KIF26B: variants seen among roughly 807,000 people sequenced by gnomAD.
The protein encoded by KIF26B is kinesin-like protein KIF26B.
In KIF26B, 63 loss-of-function variants were observed where a neutral mutation model predicts 151.2. The observed-to-expected ratio is 0.42, with a 90% CI of 0.34 to 0.51. The LOEUF (loss-of-function observed/expected upper bound fraction) is 0.51, where lower values mean the gene tolerates loss of function less well. Among genes scored for constraint, KIF26B ranks in the 20% least tolerant of loss-of-function variants. The pLI is 0.07. For synonymous variants in KIF26B, 1,357 were observed against 1,262.1 expected (o/e 1.08, Z -1.59); for missense variants, 2,813 against 2,913.6 (o/e 0.97, Z 0.79).
At chr1:245,230,836 CCACCTCCAA>C (rs1669981175) in intron 2 of KIF26B, among the ~76,000 whole-genome samples, 1 of 151,192 alleles carries the variant, frequency 6.6e-6, no homozygotes, top group Non-Finnish European at 1.5e-5. Flanking sequence ...ATTGTTAACA[CCACCTCCAA>C]CATGAACTAA....
chr1:245,289,378 G>C (rs963923043), intron 2 of KIF26B, among the ~76,000 whole-genome samples: 2 of 152,052 alleles, frequency 1.3e-5, no homozygotes, highest in Non-Finnish European at 2.9e-5. Flanking sequence ...TGTGATTTTC[G>C]ACTCGGCAAG....
intron 3 of KIF26B, among the ~76,000 whole-genome samples, chr1:245,408,349 C>CT (rs58724712): frequency 0.25 from 27,956 of 112,804 alleles, 4,895 homozygotes; most frequent in Non-Finnish European, 0.33. Flanking sequence ...TTAAATGATT[C>CT]TTTTTTTTTT....
intron 5 of KIF26B, among the ~76,000 whole-genome samples, chr1:245,542,486 A>C (rs1220044784): frequency 6.6e-6 from 1 of 152,242 alleles, no homozygotes; most frequent in African/African-American, 2.4e-5. Context: ...GTAAGACCCA[A>C]GGAGGCAGGG....
chr1:245,263,282 G>T (rs1030249689), intron 2 of KIF26B, among the ~76,000 whole-genome samples: 23 of 152,166 alleles, frequency 1.5e-4, no homozygotes, highest in African/African-American at 5.6e-4. Context: ...TTACGCAGGG[G>T]TTCACATCCT....
chr1:245,221,123 GT>G (rs536152881), intron 2 of KIF26B, among the ~76,000 whole-genome samples: 65 of 151,444 alleles, frequency 4.3e-4, no homozygotes, highest in African/African-American at 1.1e-3. Context: ...TGGGAAATGA[GT>G]TTTTTTTTCT....
intron 2 of KIF26B, among the ~76,000 whole-genome samples, chr1:245,298,080 T>C (rs1399776350): frequency 6.6e-6 from 1 of 152,092 alleles, no homozygotes; most frequent in African/African-American, 2.4e-5. Context: ...AGAGACGGGC[T>C]CTCACCATGT....
intron 5 of KIF26B, among the ~76,000 whole-genome samples, chr1:245,551,365 T>C (rs542394876): frequency 9.8e-5 from 15 of 152,306 alleles, no homozygotes; most frequent in African/African-American, 3.4e-4. Context: ...TTTAAGAAAA[T>C]ATTTTATCAT....
intron 2 of KIF26B, among the ~76,000 whole-genome samples, chr1:245,296,975 C>A (rs118116868): frequency 1.1e-3 from 161 of 152,268 alleles, no homozygotes; most frequent in African/African-American, 3.7e-3. Context: ...GCAGAACTGA[C>A]CTACCCAAAC....
In KIF26B at chr1:245,572,304, G is replaced by T. The variant is rs943874010; in HGVS notation, c.1351-30273G>T. On this transcript the variant is annotated intron_variant, in intron 5 of 14. Coordinates refer to ENST00000407071, the MANE Select transcript of KIF26B (RefSeq NM_018012.4). The surrounding 1 kb of genome is among the most constrained non-coding windows in gnomAD (Gnocchi z 4.2). ...CTTTTGGAGACAGAAGGAGGTAGAC[G>T]TGCTTTTGTGTTTCCGACACTGAGG... Among the ~76,000 whole-genome samples the T allele has an allele frequency of 6.6e-6, 1 of 152,148 alleles. No individual in the cohort carries two copies. The highest frequency in any genetic ancestry group is 1.9e-4 in the East Asian group (1 of 5,186).
At chr1:245,462,253 C>G (rs1488675761) in intron 4 of KIF26B, among the ~76,000 whole-genome samples, 1 of 152,164 alleles carries the variant, frequency 6.6e-6, no homozygotes, top group Non-Finnish European at 1.5e-5. Context: ...CCTCATTCCT[C>G]AGAAATTCCA....
chr1:245,687,754 C>A lies in KIF26B; in HGVS notation c.4771C>A (p.Arg1591=), dbSNP rs771032989. Residue 1591 remains arginine (R), a synonymous_variant, in exon 12 of 15, where the codon CGG becomes AGG. Coordinates refer to ENST00000407071, the MANE Select transcript of KIF26B (RefSeq NM_018012.4). The surrounding 1 kb of genome is among the most constrained non-coding windows in gnomAD (Gnocchi z 4.9). ...TTCCCCCAAGCACTGTGTTCTGGCTCGGCCCAAAGGGACTCCCCCTCTGCC... is the reference window on the plus strand; with the variant it reads ...TTCCCCCAAGCACTGTGTTCTGGCTAGGCCCAAAGGGACTCCCCCTCTGCC... ...VASPKHCVLA[R]PKGTPPLPPV... 7 of 1,578,654 alleles carry A rather than the reference C, an allele frequency of 4.4e-6. No individual in the cohort carries two copies. In the African/African-American group the frequency reaches 8.1e-5, roughly 18 times the overall value.
chr1:245,680,789 C>A (rs2044425045), intron 10 of KIF26B, among the ~76,000 whole-genome samples: 1 of 152,222 alleles, frequency 6.6e-6, no homozygotes, highest in East Asian at 1.9e-4. Flanking sequence ...CCGACACGGG[C>A]AGAGGGGTGA....
chr1:245,216,397 C>A (rs12732529), intron 2 of KIF26B: 1 of 151,380 alleles, frequency 6.6e-6, no homozygotes, highest in South Asian at 2.1e-4. Flanking sequence ...CGCCCTCCCC[C>A]ACCCCACCCT....
intron 10 of KIF26B, among the ~76,000 whole-genome samples, chr1:245,662,981 CTCTT>C (rs1294928118): frequency 1.4e-5 from 2 of 144,468 alleles, no homozygotes; most frequent in African/African-American, 2.6e-5. Flanking sequence ...TTTTTTTTCT[CTCTT>C]ATTCTCTTTC....
intron 4 of KIF26B, among the ~76,000 whole-genome samples, chr1:245,501,776 A>G (rs965204025): frequency 6.6e-6 from 1 of 152,212 alleles, no homozygotes; most frequent in African/African-American, 2.4e-5. Context: ...TCCTTTGTCA[A>G]CACACAGACG....
rs112642555 is a variant in KIF26B, at chr1:245,423,930, C to T, written c.1166+4185C>T. Among the ~76,000 whole-genome samples, 332 of 152,214 alleles carry T rather than the reference C, an allele frequency of 2.2e-3. 1 individual carries two copies. Among genetic ancestry groups the T allele is most frequent in the Admixed American group, 2.1e-3 (32 of 15,290 alleles). On this transcript the variant is annotated intron_variant, in intron 4 of 14. Coordinates refer to ENST00000407071, the MANE Select transcript of KIF26B (RefSeq NM_018012.4). ...CACAGCTCACTGCAGCCTCAGCCTC[C>T]CGGGCTCAAGCGATCCTCCCACTTC... is the stretch of plus-strand genomic sequence containing the variant.
intron 9 of KIF26B, among the ~76,000 whole-genome samples, chr1:245,635,419 A>G (rs547390107): frequency 3.3e-5 from 5 of 152,210 alleles, no homozygotes; most frequent in South Asian, 2.1e-4. Context: ...ATTTACTGGC[A>G]TAATGTTTCT....
At position 245,611,868 on chromosome 1, in the gene KIF26B, C is replaced by T. The variant is rs568748700; in HGVS notation, c.1990C>T (p.Arg664Cys). 2.5e-5 allele frequency: 40 copies of T among 1,613,874 alleles called. No homozygotes were observed. In the East Asian group the frequency reaches 4.2e-4, roughly 17 times the overall value. The change falls in exon 9 of 15, where the codon CGC becomes TGC. Residue 664 changes from arginine to cysteine, a missense_variant. Coordinates refer to ENST00000407071, the MANE Select transcript of KIF26B (RefSeq NM_018012.4). Reference sequence around the variant, plus strand: ...TTTCCTGGATGCCGCCATTGCCTCCCGCAGGAGCCACCAACAGGACTGTGA... The same window carrying T: ...TTTCCTGGATGCCGCCATTGCCTCCTGCAGGAGCCACCAACAGGACTGTGA... The part of the protein sequence containing the change: ...AFFLDAAIAS[R>C]RSHQQDCDED...
chr1:245,607,483 C>T (rs1022271754), intron 6 of KIF26B, among the ~76,000 whole-genome samples, 168 bp from the exon 7 acceptor site: 9 of 152,296 alleles, frequency 5.9e-5, no homozygotes, highest in South Asian at 2.1e-4. Flanking sequence ...GGCGGAAGGT[C>T]GCCAGGGGTT....
Sources: gnomAD v4.1 joint callset for allele counts (sites outside exome capture counted in the v4.1 genomes callset) on GRCh38, gnomAD v4.1.1 for gene constraint, Gnocchi (gnomAD v3.1) non-coding constraint, MANE v1.5 for transcripts, NCBI Gene and HGNC (gene_info 2026-07-23, HGNC 2026-07-21) for gene names.